Variants in CMIP observed in about 807,000 individuals in gnomAD.
CMIP encodes C-Maf-inducing protein.
A neutral mutation model predicts 97.3 loss-of-function variants in CMIP; 13 were observed. The observed-to-expected ratio is 0.13, with a 90% CI of 0.09 to 0.21. CMIP has a LOEUF of 0.21. Ranked by LOEUF, CMIP falls within the 10% of genes least tolerant of loss-of-function variation. The pLI is 1.00. For missense variants in CMIP, 847 were observed against 1,024.9 expected (o/e 0.83, Z 2.37); for synonymous variants, 538 against 436.3 (o/e 1.23, Z -2.91).
In CMIP at chr16:81,652,337, G is replaced by A. The variant is rs1342834359; in HGVS notation, c.612G>A (p.Leu204=). The A allele has an allele frequency of 6.2e-7, 1 of 1,613,654 alleles. No individual in the cohort carries two copies. Among genetic ancestry groups the A allele is most frequent in the Non-Finnish European group, 8.5e-7 (1 of 1,179,830 alleles). Residue 204 remains leucine, a synonymous_variant, in exon 4 of 21, where the codon CTG becomes CTA. Coordinates refer to ENST00000537098, the MANE Select transcript of CMIP (RefSeq NM_198390.3). This position sits in a 1 kb window ranked among gnomAD's most constrained non-coding sequence, Gnocchi z 5.2. ...ATGACTCCATCAACCAGGCCCCACTGGAAATCGTCTCGAAACTGCTCTCAG... is the reference window on the plus strand; with the variant it reads ...ATGACTCCATCAACCAGGCCCCACTAGAAATCGTCTCGAAACTGCTCTCAG... ...LQDDSINQAP[L]EIVSKLLSEN... is the part of the protein sequence containing the mutation.
At chr16:81,649,683 A>C (rs117649902) in intron 3 of CMIP, among the ~76,000 whole-genome samples, 1 of 152,238 alleles carries the variant, frequency 6.6e-6, no homozygotes, top group Non-Finnish European at 1.5e-5. Flanking sequence ...GAATGAAGTC[A>C]TTAATCTTTC....
rs573659438 is a variant in CMIP at position 81,652,928 on chromosome 16, G to A, written c.639+564G>A. ...CATATTGAATGTGTGCTTTGTGCCA[G>A]GCACCATCTGGGAATTCAAGCAAAG... On this transcript the variant is annotated intron_variant, in intron 4 of 20. Coordinates refer to ENST00000537098, the MANE Select transcript of CMIP (RefSeq NM_198390.3). This position sits in a 1 kb window ranked among gnomAD's most constrained non-coding sequence, Gnocchi z 5.2. 2.0e-5 allele frequency among the ~76,000 whole-genome samples: 3 copies of A among 152,202 alleles called. No homozygotes were observed. In the East Asian group the frequency reaches 5.8e-4, roughly 29 times the overall value.
intron 1 of CMIP, among the ~76,000 whole-genome samples, chr16:81,589,698 T>C (rs528284196): frequency 1.3e-5 from 2 of 152,312 alleles, no homozygotes; most frequent in Admixed American, 1.3e-4. Context: ...CAATGTAGTA[T>C]TTTCGAAGAA....
At chr16:81,640,933 T>G (rs1338532883) in intron 3 of CMIP, among the ~76,000 whole-genome samples, 1 of 152,142 alleles carries the variant, frequency 6.6e-6, no homozygotes. Flanking sequence ...ACATATGTTT[T>G]GGGCAGACAC....
At chr16:81,690,795 G>A (rs141634119) in intron 10 of CMIP, among the ~76,000 whole-genome samples, 23 of 152,178 alleles carry the variant, frequency 1.5e-4, no homozygotes, top group African/African-American at 4.6e-4. Flanking sequence ...GCATAGTGGC[G>A]CACGCCTATA....
chr16:81,551,981 C>T (rs2090667695), intron 1 of CMIP, among the ~76,000 whole-genome samples: 1 of 152,252 alleles, frequency 6.6e-6, no homozygotes, highest in Admixed American at 6.5e-5. Context: ...CAGGGGGGCC[C>T]TGGCTGGTGG....
intron 1 of CMIP, among the ~76,000 whole-genome samples, chr16:81,502,407 C>T (rs1164707904): frequency 1.3e-5 from 2 of 152,188 alleles, no homozygotes; most frequent in Non-Finnish European, 2.9e-5. Flanking sequence ...GGTGGCACTG[C>T]CTCCATGTGA....
chr16:81,460,469 TGGTTTGCCCAGGACTGTCCCA>T (rs934729493), intron 1 of CMIP, among the ~76,000 whole-genome samples: 12 of 152,194 alleles, frequency 7.9e-5, no homozygotes, highest in African/African-American at 2.9e-4. Flanking sequence ...ACTGCTGTCC[TGGTTTGCCCAGGACTGTCCCA>T]GGTTTTTGCA....
chr16:81,677,545 C>T (rs1426043194), intron 9 of CMIP, among the ~76,000 whole-genome samples: 2 of 152,192 alleles, frequency 1.3e-5, no homozygotes, highest in Non-Finnish European at 2.9e-5. Flanking sequence ...GGGCTTTAAC[C>T]AGGTCAAGGC....
At chr16:81,592,906 A>C (rs1475907668) in intron 1 of CMIP, among the ~76,000 whole-genome samples, 2 of 152,182 alleles carry the variant, frequency 1.3e-5, no homozygotes, top group African/African-American at 2.4e-5. Flanking sequence ...GTTGGAAATG[A>C]TGCTGACTTT....
chr16:81,495,980 A>G (rs533482009), intron 1 of CMIP, among the ~76,000 whole-genome samples: 14 of 152,350 alleles, frequency 9.2e-5, no homozygotes, highest in Admixed American at 1.3e-4. Flanking sequence ...GAAAGAGGCC[A>G]TGAAGCTGGC....
At chr16:81,489,443 G>T (rs894396978) in intron 1 of CMIP, among the ~76,000 whole-genome samples, 1 of 152,206 alleles carries the variant, frequency 6.6e-6, no homozygotes, top group Non-Finnish European at 1.5e-5. Flanking sequence ...TATTATTCAG[G>T]TACATCACTT....
In CMIP at chr16:81,621,026, G is replaced by A. The variant is rs1396407008; in HGVS notation, c.477+100G>A. The A allele has an allele frequency of 1.4e-6, 2 of 1,476,042 alleles. No homozygotes were observed. Among genetic ancestry groups the A allele is most frequent in the African/African-American group, 1.4e-5 (1 of 72,254 alleles). The allele number at this position is 1,476,042 out of a possible 1,614,324, so 91.4% of individuals were successfully genotyped here. A position where few individuals can be genotyped will look rare whatever the true frequency, so the allele number is the denominator to read the frequency against. On this transcript the variant is annotated intron_variant, in intron 3 of 20. Transcript: ENST00000537098. This position sits in a 1 kb window ranked among gnomAD's most constrained non-coding sequence, Gnocchi z 4.1. ...AGAGGCATGAAAGTGGAGAACTCAT[G>A]CCTTCCAGATGGCTCAGCTGAGGAA... is the stretch of plus-strand genomic sequence containing the variant.
At chr16:81,645,701 C>T (rs960998495) in intron 3 of CMIP, 52 of 1,383,364 alleles carry the variant, frequency 3.8e-5, no homozygotes, top group Non-Finnish European at 4.9e-5. Context: ...CTCTGCTTGC[C>T]GCTGGCTGGT....
chr16:81,570,599 C>G (rs1285797185), intron 1 of CMIP, among the ~76,000 whole-genome samples: 1 of 152,184 alleles, frequency 6.6e-6, no homozygotes, highest in Non-Finnish European at 1.5e-5. Context: ...AGACTGATCC[C>G]CTTCTTCCTG....
intron 7 of CMIP, among the ~76,000 whole-genome samples, chr16:81,668,680 G>T (rs980245725): frequency 2.1e-4 from 32 of 152,166 alleles, no homozygotes; most frequent in African/African-American, 7.5e-4. Flanking sequence ...AACCAGGGTG[G>T]TGTCCCTGTC....
At chr16:81,612,479 C>T (rs1047368171) in intron 2 of CMIP, among the ~76,000 whole-genome samples, 2 of 152,166 alleles carry the variant, frequency 1.3e-5, no homozygotes, top group African/African-American at 4.8e-5. Context: ...AGGACTTTTC[C>T]GGTCTGGAAA....
intron 3 of CMIP, among the ~76,000 whole-genome samples, chr16:81,651,867 G>A (rs965877595): frequency 1.3e-5 from 2 of 152,082 alleles, no homozygotes; most frequent in Non-Finnish European, 2.9e-5. Context: ...CTAACCTCTT[G>A]TGTACCTCGG....
intron 1 of CMIP, among the ~76,000 whole-genome samples, chr16:81,524,461 G>T (rs113735393): frequency 6.6e-6 from 1 of 152,216 alleles, no homozygotes; most frequent in Non-Finnish European, 1.5e-5. Flanking sequence ...CATCTGTAAC[G>T]TGTTAGCCAC....
Sources: gnomAD v4.1 joint callset for allele counts (sites outside exome capture counted in the v4.1 genomes callset) on GRCh38, gnomAD v4.1.1 for gene constraint, Gnocchi (gnomAD v3.1) non-coding constraint, MANE v1.5 for transcripts, NCBI Gene and HGNC (gene_info 2026-07-23, HGNC 2026-07-21) for gene names.